The following MEF2B variants were observed in gnomAD, a reference collection of about 807,000 sequenced individuals.
The protein encoded by MEF2B is myocyte-specific enhancer factor 2B.
MEF2B carries 15 observed loss-of-function variants against 32.2 expected under a neutral mutation model. That is an observed-to-expected ratio of 0.47 (90% CI 0.31 to 0.72). The LOEUF (loss-of-function observed/expected upper bound fraction) is 0.72. Among genes scored for constraint, MEF2B ranks in the 30% least tolerant of loss-of-function variants. MEF2B has a pLI of 0.05. For missense variants in MEF2B, 441 were observed against 511.5 expected, an observed-to-expected ratio of 0.86 and a Z score of 1.33; for synonymous variants, 205 against 225.6, an observed-to-expected ratio of 0.91 and a Z score of 0.82.
chr19:19,166,670 G>A (rs186568008), intron 1 of MEF2B, among the ~76,000 whole-genome samples: 5 of 151,294 alleles, frequency 3.3e-5, no homozygotes, highest in African/African-American at 1.2e-4. Flanking sequence ...GAGGTGACAG[G>A]ATGGCTTGAG....
At chr19:19,165,229 C>T (rs72997105) in intron 1 of MEF2B, among the ~76,000 whole-genome samples, 1 of 152,028 alleles carries the variant, frequency 6.6e-6, no homozygotes, top group East Asian at 1.9e-4. Flanking sequence ...GGGAAGACGG[C>T]CTTCAAGGAA....
intron 1 of MEF2B, among the ~76,000 whole-genome samples, chr19:19,156,301 G>A (rs1179457237): frequency 6.6e-6 from 1 of 152,030 alleles, no homozygotes; most frequent in Non-Finnish European, 1.5e-5. Context: ...GTTCACACTT[G>A]TAATCCCAGC....
intron 2 of MEF2B, 96 bp downstream of exon 2, chr19:19,150,586 C>T (rs2060071085): frequency 1.3e-6 from 2 of 1,535,290 alleles, no homozygotes; most frequent in East Asian, 2.3e-5. Context: ...CCTCCTCATT[C>T]CCCTGCAGTT....
At chr19:19,167,374 T>C (rs62135494) in intron 1 of MEF2B, among the ~76,000 whole-genome samples, 1 of 92,356 alleles carries the variant, frequency 1.1e-5, no homozygotes, top group Admixed American at 1.1e-4. Flanking sequence ...AAAAAAAAAT[T>C]AGCTGGGTGT....
rs2060074902 is a variant in MEF2B at position 19,150,894 on chromosome 19, G to T, written c.-29-130C>A. ...AAGATGATGGGGAAAATCAAGGCAG[G>T]CTGGGTCACTGTCGCAGACCCCGCC... is the stretch of plus-strand genomic sequence containing the variant. On this transcript the variant is annotated intron_variant, in intron 1 of 8. Coordinates refer to ENST00000424583, the MANE Select transcript of MEF2B (RefSeq NM_001145785.2). The T allele has an allele frequency of 6.0e-6, 7 of 1,176,242 alleles. No homozygotes were observed. The Admixed American group carries it at 6.5e-5, about 11-fold the overall frequency. The allele number at this position is 1,176,242 out of a possible 1,614,324, so 72.9% of individuals were successfully genotyped here. A position where few individuals can be genotyped will look rare whatever the true frequency, so the allele number is the denominator to read the frequency against.
At chr19:19,170,149 C>A in intron 1 of MEF2B, 56 bp downstream of exon 1, 1 of 398,562 alleles carries the variant, frequency 2.5e-6, no homozygotes, top group Non-Finnish European at 4.4e-6. Flanking sequence ...ACCCACCCAG[C>A]CCGCAGAAGC....
chr19:19,165,372 G>A (rs934659543), intron 1 of MEF2B, among the ~76,000 whole-genome samples: 2 of 152,130 alleles, frequency 1.3e-5, no homozygotes, highest in African/African-American at 4.8e-5. Context: ...GAACCCGGGA[G>A]GCGGAGATTG....
Position 19,145,752 on chromosome 19 carries a change from GC to G in MEF2B, c.*44del, listed in dbSNP as rs1568543865. ...GGAGGTGGGGTCCCCACGTGCCCTC[GC>G]CGTACCTGGCGAGCGCTCTGGGCTG... is the stretch of plus-strand genomic sequence containing the variant. On this transcript the variant is annotated 3_prime_UTR_variant, in exon 9 of 9. Transcript: ENST00000424583. This position sits in a 1 kb window ranked among gnomAD's most constrained non-coding sequence, Gnocchi z 4.6. 6.4e-7 allele frequency: 1 copy of G among 1,556,790 alleles called. No homozygotes were observed. Among genetic ancestry groups the G allele is most frequent in the Non-Finnish European group, 8.7e-7 (1 of 1,150,552 alleles).
chr19:19,151,397 C>T (rs977412950), intron 1 of MEF2B, among the ~76,000 whole-genome samples: 1 of 152,116 alleles, frequency 6.6e-6, no homozygotes, highest in Admixed American at 6.6e-5. Flanking sequence ...TCCTGTACCC[C>T]ACTCAAGGAG....
chr19:19,155,508 A>G (rs973100128), intron 1 of MEF2B, among the ~76,000 whole-genome samples: 2 of 152,180 alleles, frequency 1.3e-5, no homozygotes, highest in African/African-American at 2.4e-5. Context: ...AGCAGAGTAG[A>G]TCAACAGAGA....
chr19:19,150,637 G>A, intron 2 of MEF2B, 45 bp downstream of exon 2: 9 of 1,612,796 alleles, frequency 5.6e-6, no homozygotes, highest in East Asian at 2.2e-5. Context: ...CATGCCCCCT[G>A]CTAGGAATGT....
chr19:19,150,107 G>C (rs2060061048), intron 2 of MEF2B, among the ~76,000 whole-genome samples: 1 of 122,946 alleles, frequency 8.1e-6, no homozygotes, highest in Non-Finnish European at 1.7e-5. Context: ...AAAAAAAAAA[G>C]GAAGGATGGA....
At chr19:19,156,424 T>C (rs2060121017) in intron 1 of MEF2B, among the ~76,000 whole-genome samples, 1 of 151,678 alleles carries the variant, frequency 6.6e-6, no homozygotes, top group Admixed American at 6.6e-5. Flanking sequence ...TTAAAGGCAA[T>C]AAAGTTCAAG....
rs776793905 is a variant in MEF2B, at chr19:19,150,772, G to A, written c.-29-8C>T. The A allele has an allele frequency of 1.9e-6, 3 of 1,614,072 alleles. No homozygotes were observed. In the South Asian group the frequency reaches 3.3e-5, roughly 18 times the overall value. On this transcript the variant is annotated splice_polypyrimidine_tract_variant and splice_region_variant and intron_variant, in intron 1 of 8. Coordinates refer to ENST00000424583, the MANE Select transcript of MEF2B (RefSeq NM_001145785.2). The stretch of plus-strand genomic sequence containing the variant: ...GAGTGGAATGATCTTTGTCTAGGAG[G>A]AGAAGAGGGAGAGGACAGAGTGAGT...
At chr19:19,156,558 G>A (rs773193292) in intron 1 of MEF2B, among the ~76,000 whole-genome samples, 2 of 152,078 alleles carry the variant, frequency 1.3e-5, no homozygotes, top group Non-Finnish European at 2.9e-5. Context: ...AGGCCCAGGT[G>A]GTTTTACAGC....
intron 1 of MEF2B, among the ~76,000 whole-genome samples, chr19:19,155,113 C>T (rs2060111524): frequency 6.6e-6 from 1 of 152,226 alleles, no homozygotes; most frequent in South Asian, 2.1e-4. Context: ...CCCAACCAAA[C>T]ACAGCTCTGA....
intron 3 of MEF2B, 77 bp downstream of exon 3, chr19:19,149,149 C>A: frequency 6.4e-7 from 1 of 1,556,964 alleles, no homozygotes; most frequent in Non-Finnish European, 8.7e-7. Context: ...ATCTTTTGTG[C>A]AAACCAAGAG....
chr19:19,158,031 G>T (rs1358057634), intron 1 of MEF2B, among the ~76,000 whole-genome samples: 1 of 152,008 alleles, frequency 6.6e-6, no homozygotes, highest in Non-Finnish European at 1.5e-5. Flanking sequence ...CAAATGTGTT[G>T]AGCTCAACTC....
At chr19:19,165,640 T>C (rs374313050) in intron 1 of MEF2B, among the ~76,000 whole-genome samples, 5 of 151,696 alleles carry the variant, frequency 3.3e-5, no homozygotes, top group African/African-American at 1.2e-4. Context: ...TGTAGAGCAA[T>C]AGGGAGCCAT....
Sources: gnomAD v4.1 joint callset for allele counts (sites outside exome capture counted in the v4.1 genomes callset) on GRCh38, gnomAD v4.1.1 for gene constraint, Gnocchi (gnomAD v3.1) non-coding constraint, MANE v1.5 for transcripts, NCBI Gene and HGNC (gene_info 2026-07-23, HGNC 2026-07-21) for gene names.